Variants in SLC4A5 observed in about 807,000 individuals in gnomAD.
The protein encoded by SLC4A5 is solute carrier family 4 member 5.
A neutral mutation model predicts 120.4 loss-of-function variants in SLC4A5; 96 were observed. That is an observed-to-expected ratio of 0.80 (90% CI 0.68 to 0.94). The LOEUF is 0.94. Ranked by LOEUF, SLC4A5 falls within the 40% of genes least tolerant of loss-of-function variation. The pLI, the probability that SLC4A5 is intolerant of heterozygous loss-of-function variation, is 0.00. For synonymous variants in SLC4A5, 550 were observed against 571.1 expected, an observed-to-expected ratio of 0.96 and a Z score of 0.53; for missense variants, 1,259 against 1,459.5, an observed-to-expected ratio of 0.86 and a Z score of 2.24.
Position 74,231,313 on chromosome 2 carries a change from C to A in SLC4A5, c.2775-5G>T. ...ATGCCGGTTACTCTCTGTTCCCTGG[C>A]AGAGAAGAACACATGGTCAGGGTGT... On this transcript the variant is annotated splice_region_variant and splice_polypyrimidine_tract_variant and intron_variant, in intron 24 of 30. Coordinates refer to ENST00000394019, the Ensembl canonical transcript of SLC4A5. 1 of 1,609,534 alleles carries A rather than the reference C, an allele frequency of 6.2e-7. No individual in the cohort carries two copies.
chr2:74,281,076 T>C (rs1671799181), intron 8 of SLC4A5, among the ~76,000 whole-genome samples: 1 of 152,368 alleles, frequency 6.6e-6, no homozygotes, highest in African/African-American at 2.4e-5. Flanking sequence ...TCCCTGCCTA[T>C]GTGCATAGAA....
chr2:74,309,384 A>G (rs1672739874), intron 6 of SLC4A5, among the ~76,000 whole-genome samples: 1 of 152,118 alleles, frequency 6.6e-6, no homozygotes, highest in African/African-American at 2.4e-5. Flanking sequence ...TCCACTGATC[A>G]ATTTGTCTGT....
At chr2:74,227,920 C>T (rs751317774) in intron 25 of SLC4A5, 42 bp from the exon 26 acceptor site, 42 of 1,498,352 alleles carry the variant, frequency 2.8e-5, no homozygotes, top group Middle Eastern at 1.8e-4. Flanking sequence ...CTGCCTGGGG[C>T]GGCCCTTGGC....
At chr2:74,229,426 T>G (rs1694982478) in intron 25 of SLC4A5, among the ~76,000 whole-genome samples, 1 of 151,968 alleles carries the variant, frequency 6.6e-6, no homozygotes, top group African/African-American at 2.4e-5. Flanking sequence ...TTTTTGTATT[T>G]TTAGTAGACA....
At position 74,233,282 on chromosome 2, in the gene SLC4A5, G is replaced by T. The variant is rs779313688; in HGVS notation, c.2595+120C>A. ...CTCAACACACCAAGTGGGAACTCTA[G>T]TCTCTGTCCTCATATTTTCCTGGCC... On this transcript the variant is annotated intron_variant, in intron 23 of 30. Coordinates refer to ENST00000394019, the Ensembl canonical transcript of SLC4A5. 2,624 of 1,195,460 alleles carry T rather than the reference G, an allele frequency of 2.2e-3. 5 individuals are homozygous for T. Among genetic ancestry groups the T allele is most frequent in the Non-Finnish European group, 2.8e-3 (2,298 of 820,342 alleles). The allele number at this position is 1,195,460 out of a possible 1,614,324, so 74.1% of individuals were successfully genotyped here.
At chr2:74,271,527 C>T (rs1671474669) in intron 8 of SLC4A5, among the ~76,000 whole-genome samples, 1 of 152,098 alleles carries the variant, frequency 6.6e-6, no homozygotes, top group South Asian at 2.1e-4. Context: ...AATTCAGGCT[C>T]AGTGCCTAAA....
At chr2:74,233,073 T>C (rs1343189747) in intron 23 of SLC4A5, among the ~76,000 whole-genome samples, 1 of 152,110 alleles carries the variant, frequency 6.6e-6, no homozygotes, top group Admixed American at 6.5e-5. Context: ...GCTAAGGAAG[T>C]TCCTCTGCCT....
intron 6 of SLC4A5, among the ~76,000 whole-genome samples, chr2:74,308,913 T>C (rs1424682756): frequency 9.3e-5 from 14 of 151,340 alleles, no homozygotes; most frequent in Non-Finnish European, 1.5e-5. Context: ...AAGGACTATG[T>C]CTGAATTTTT....
chr2:74,223,469 C>T (rs1472502100), intron 28 of SLC4A5, among the ~76,000 whole-genome samples: 6 of 152,146 alleles, frequency 3.9e-5, no homozygotes, highest in Non-Finnish European at 5.9e-5. Context: ...TCAGACAGAC[C>T]GGAACTCTTC....
chr2:74,302,044 A>G (rs1280129048), intron 7 of SLC4A5, among the ~76,000 whole-genome samples: 1 of 152,220 alleles, frequency 6.6e-6, no homozygotes, highest in Non-Finnish European at 1.5e-5. Flanking sequence ...ATAAAACCCT[A>G]ATTAGTTAGA....
intron 27 of SLC4A5, among the ~76,000 whole-genome samples, chr2:74,226,035 G>C (rs906610106): frequency 4.6e-5 from 7 of 152,100 alleles, no homozygotes; most frequent in African/African-American, 9.7e-5. Context: ...GAGGGCACTG[G>C]GGGGAGGATC....
chr2:74,236,846 T>G (rs562331511), intron 21 of SLC4A5, among the ~76,000 whole-genome samples: 1 of 152,302 alleles, frequency 6.6e-6, no homozygotes, highest in South Asian at 2.1e-4. Context: ...TCTGTCTACA[T>G]TCCCACCTAC....
intron 8 of SLC4A5, among the ~76,000 whole-genome samples, chr2:74,270,747 C>G (rs1671450077): frequency 6.6e-6 from 1 of 152,204 alleles, no homozygotes; most frequent in Non-Finnish European, 1.5e-5. Context: ...GCCATGGAAA[C>G]TCCCGGGTTA....
intron 17 of SLC4A5, 43 bp downstream of exon 17, chr2:74,250,300 G>A (rs75131120): frequency 0.043 from 68,524 of 1,586,060 alleles, 2,903 homozygotes; most frequent in Admixed American, 0.2. Flanking sequence ...ACCAGGTGGC[G>A]GCAGATCTTA....
chr2:74,303,388 G>C (rs1672535671), intron 7 of SLC4A5, among the ~76,000 whole-genome samples: 1 of 152,096 alleles, frequency 6.6e-6, no homozygotes, highest in Non-Finnish European at 1.5e-5. Context: ...GGAAGGTATA[G>C]ATGGTATAAT....
intron 6 of SLC4A5, among the ~76,000 whole-genome samples, chr2:74,311,879 G>A (rs1022871576): frequency 2.6e-5 from 4 of 152,156 alleles, no homozygotes; most frequent in African/African-American, 9.7e-5. Flanking sequence ...TGCCGGATCT[G>A]TCAATTACTG....
chr2:74,246,989 C>T lies in SLC4A5; in HGVS notation c.2059+47G>A, dbSNP rs187982448. Reference sequence around the variant, plus strand: ...GAGCTGTGGTGAAGGATCAGGGGGCCGGTGGGGTAGGTGAGGGCCCACGGC... The same window carrying T: ...GAGCTGTGGTGAAGGATCAGGGGGCTGGTGGGGTAGGTGAGGGCCCACGGC... On this transcript the variant is annotated intron_variant, in intron 19 of 30. Coordinates refer to ENST00000394019, the Ensembl canonical transcript of SLC4A5. 5.7e-5 allele frequency: 91 copies of T among 1,597,376 alleles called. No homozygotes were observed. In the African/African-American group the frequency reaches 9.2e-4, roughly 16 times the overall value.
At position 74,227,481 on chromosome 2, in the gene SLC4A5, C is replaced by T. The variant is rs371114264; in HGVS notation, c.2916+329G>A. On this transcript the variant is annotated intron_variant, in intron 26 of 30. Transcript: ENST00000394019. ...AAAATGTTTTCTTCTGCATAGCTGC[C>T]TTAGGGAAGAGAGAGAGGTACAGTG... 5.0e-6 allele frequency: 8 copies of T among 1,596,680 alleles called. No individual in the cohort carries two copies. The African/African-American group carries it at 1.1e-4, about 21-fold the overall frequency.
chr2:74,228,686 AC>A (rs1302763431), intron 25 of SLC4A5, among the ~76,000 whole-genome samples: 1 of 151,290 alleles, frequency 6.6e-6, no homozygotes, highest in African/African-American at 2.4e-5. Flanking sequence ...CCAAAAAAAA[AC>A]AGAAATCATG....
Sources: allele counts gnomAD v4.1 joint callset (sites outside exome capture counted in the v4.1 genomes callset), GRCh38; gene constraint gnomAD v4.1.1; transcripts MANE v1.5; gene names NCBI Gene and HGNC (gene_info 2026-07-23, HGNC 2026-07-21).